The following TMEM273 variants were observed in gnomAD, a reference collection of about 807,000 sequenced individuals.
TMEM273 encodes transmembrane protein 273.
In TMEM273, 19 loss-of-function variants were observed where a neutral mutation model predicts 17.9. That is an observed-to-expected ratio of 1.06 (90% CI 0.74 to 1.55). TMEM273 has a LOEUF of 1.55. TMEM273 is among the 40% of genes most tolerant of loss of function. The probability of loss-of-function intolerance (pLI) is 0.00; values close to 1 mark genes in which losing one functional copy is unlikely to be tolerated. For synonymous variants in TMEM273, 66 were observed against 62.0 expected (o/e 1.07, Z -0.31); for missense variants, 194 against 155.6 (o/e 1.25, Z -1.31).
At chr10:49,170,679 T>C (rs1350520226) in intron 1 of TMEM273, among the ~76,000 whole-genome samples, 3 of 152,198 alleles carry the variant, frequency 2.0e-5, no homozygotes, top group African/African-American at 7.2e-5. Flanking sequence ...CAGCCCTTCC[T>C]GCGAGCCAGC....
At chr10:49,161,245 G>A (rs1845822105) in intron 6 of TMEM273, 1 of 289,020 alleles carries the variant, frequency 3.5e-6, no homozygotes, top group African/African-American at 2.1e-5. Context: ...AGATGTTTGG[G>A]AATTTTTTTC....
intron 1 of TMEM273, among the ~76,000 whole-genome samples, chr10:49,182,925 C>T (rs566902172): frequency 7.9e-5 from 12 of 151,886 alleles, no homozygotes; most frequent in African/African-American, 2.7e-4. Context: ...ATGGATATCC[C>T]GAATCAAATC....
chr10:49,174,618 G>A (rs1846824919), intron 1 of TMEM273, among the ~76,000 whole-genome samples: 1 of 152,154 alleles, frequency 6.6e-6, no homozygotes, highest in African/African-American at 2.4e-5. Context: ...CTTGCTTTCT[G>A]TGCAAGGAAC....
At chr10:49,182,145 G>C (rs943654135) in intron 1 of TMEM273, among the ~76,000 whole-genome samples, 4 of 152,120 alleles carry the variant, frequency 2.6e-5, no homozygotes, top group African/African-American at 9.7e-5. Flanking sequence ...TTCGTTTTTT[G>C]TTACGTTTGT....
intron 6 of TMEM273, among the ~76,000 whole-genome samples, chr10:49,158,347 C>A (rs1845638130): frequency 1.3e-5 from 2 of 149,500 alleles, no homozygotes; most frequent in Admixed American, 1.3e-4. Flanking sequence ...TTGCTTTGGT[C>A]TATACAAAAG....
intron 5 of TMEM273, among the ~76,000 whole-genome samples, chr10:49,162,819 A>G (rs1185455531): frequency 6.6e-6 from 1 of 152,148 alleles, no homozygotes; most frequent in East Asian, 1.9e-4. Flanking sequence ...CGCTACCTGG[A>G]CCCACAAAGG....
rs118189413 is a variant in TMEM273, at chr10:49,166,908, C to A, written c.199G>T (p.Asp67Tyr). The A allele has an allele frequency of 2.5e-6, 4 of 1,613,944 alleles. No homozygotes were observed. Among genetic ancestry groups the A allele is most frequent in the Non-Finnish European group, 3.4e-6 (4 of 1,179,970 alleles). The change falls in exon 3 of 7, where the codon GAC (aspartate) becomes TAC (tyrosine). Residue 67 changes from aspartate to tyrosine, a missense_variant. By Grantham distance (160) the Asp-to-Tyr change is radical. Transcript: ENST00000374153. ...GGCGTGCTTTTCAGGTCGGAAGAGT[C>A]GTCGTCAAATAAGTGCCTCCTGATC... ...CMIRRHLFDD[D>Y]SSDLKSTPGG...
intron 1 of TMEM273, among the ~76,000 whole-genome samples, chr10:49,173,690 C>T (rs1174578385): frequency 1.3e-5 from 2 of 152,216 alleles, no homozygotes; most frequent in Non-Finnish European, 2.9e-5. Flanking sequence ...CGAGATGATG[C>T]ATGAGAGCCC....
intron 6 of TMEM273, among the ~76,000 whole-genome samples, chr10:49,158,908 G>A (rs1392473677): frequency 6.6e-6 from 1 of 152,114 alleles, no homozygotes; most frequent in Non-Finnish European, 1.5e-5. Context: ...TATATGCACA[G>A]ATATATACAT....
At chr10:49,172,067 G>A (rs546320274) in intron 1 of TMEM273, among the ~76,000 whole-genome samples, 8 of 152,328 alleles carry the variant, frequency 5.3e-5, no homozygotes, top group Admixed American at 1.3e-4. Context: ...AATGATGCCC[G>A]GCCATAGTCT....
chr10:49,165,091 C>CA, intron 5 of TMEM273, 114 bp downstream of exon 5: 1 of 1,395,674 alleles, frequency 7.2e-7, no homozygotes, highest in Non-Finnish European at 9.4e-7. Flanking sequence ...AAAACCCATG[C>CA]AAAATAGACA....
chr10:49,155,768 T>G lies in TMEM273; in HGVS notation c.*124A>C. ...TTCCTTCTATTATTTGCCTCCAATA[T>G]TCAGTCCATGTGAAAGTTCATTACC... On this transcript the variant is annotated 3_prime_UTR_variant, in exon 7 of 7. Transcript: ENST00000374153. 1 of 1,374,142 alleles carries G rather than the reference T, an allele frequency of 7.3e-7. No individual in the cohort carries two copies. The allele number at this position is 1,374,142 out of a possible 1,614,324, so 85.1% of individuals were successfully genotyped here.
intron 5 of TMEM273, among the ~76,000 whole-genome samples, 157 bp downstream of exon 5, chr10:49,165,048 G>A (rs554703556): frequency 1.3e-3 from 200 of 152,298 alleles, no homozygotes; most frequent in African/African-American, 4.5e-3. Flanking sequence ...TGAAAAGGAA[G>A]ACCCTACCCG....
chr10:49,160,411 T>C (rs1327947340), intron 6 of TMEM273: 1 of 152,012 alleles, frequency 6.6e-6, no homozygotes, highest in Non-Finnish European at 1.5e-5. Context: ...ATCCAGAAAA[T>C]GGGACATTGT....
intron 1 of TMEM273, among the ~76,000 whole-genome samples, chr10:49,181,507 G>A (rs767281710): frequency 6.6e-6 from 1 of 152,146 alleles, no homozygotes; most frequent in Non-Finnish European, 1.5e-5. Context: ...TTGGCAGAAG[G>A]ACAGACACAT....
At chr10:49,172,284 G>C (rs2002337) in intron 1 of TMEM273, among the ~76,000 whole-genome samples, 60,537 of 152,012 alleles carry the variant, frequency 0.4, 14,542 homozygotes, top group African/African-American at 0.68. Context: ...AGACCCAAGT[G>C]CCCCATGAAG....
At chr10:49,156,148 C>T (rs1475644605) in intron 6 of TMEM273, 4 of 1,527,362 alleles carry the variant, frequency 2.6e-6, no homozygotes, top group East Asian at 2.6e-5. Context: ...GCAAACAAAA[C>T]TTCATCCACT....
intron 3 of TMEM273, 72 bp from the exon 4 acceptor site, chr10:49,165,868 C>T (rs1846146404): frequency 6.3e-7 from 1 of 1,590,078 alleles, no homozygotes; most frequent in Non-Finnish European, 8.6e-7. Context: ...CTAGAGCTTT[C>T]ACCTCCCTCT....
chr10:49,158,686 C>T (rs1298369202), intron 6 of TMEM273, among the ~76,000 whole-genome samples: 1 of 152,066 alleles, frequency 6.6e-6, no homozygotes, highest in African/African-American at 2.4e-5. Context: ...CTAGAAATAC[C>T]CTAGTACGCA....
Sources: allele counts gnomAD v4.1 joint callset (sites outside exome capture counted in the v4.1 genomes callset), GRCh38; gene constraint gnomAD v4.1.1; transcripts MANE v1.5; gene names NCBI Gene and HGNC (gene_info 2026-07-23, HGNC 2026-07-21).